ADAMTSL3: variants seen among roughly 807,000 people sequenced by gnomAD.
The protein encoded by ADAMTSL3 is ADAMTS-like protein 3.
Under a neutral mutation model 201.7 loss-of-function variants are expected in ADAMTSL3, and 128 were observed. The ratio of observed to expected loss-of-function variants is 0.63; its 90% CI spans 0.55 to 0.73. The LOEUF (loss-of-function observed/expected upper bound fraction) is 0.73, where lower values mean the gene tolerates loss of function less well. Among genes scored for constraint, ADAMTSL3 ranks in the 30% least tolerant of loss-of-function variants. The pLI is 0.00. For synonymous variants in ADAMTSL3, 738 were observed against 748.4 expected (o/e 0.99, Z 0.23); for missense variants, 1,990 against 2,119.6 (o/e 0.94, Z 1.20).
chr15:83,845,635 TAAAA>T (rs542175010), intron 7 of ADAMTSL3, among the ~76,000 whole-genome samples: 1 of 151,240 alleles, frequency 6.6e-6, no homozygotes, highest in East Asian at 1.9e-4. Flanking sequence ...TGTTCATTGT[TAAAA>T]AAAAATAGAT....
intron 23 of ADAMTSL3, among the ~76,000 whole-genome samples, chr15:83,997,003 A>G (rs776132903): frequency 2.0e-5 from 3 of 152,124 alleles, no homozygotes; most frequent in Non-Finnish European, 4.4e-5. Context: ...AGCATGGAGA[A>G]ATAGGACATC....
At chr15:83,765,286 A>G (rs1293295513) in intron 3 of ADAMTSL3, among the ~76,000 whole-genome samples, 1 of 152,236 alleles carries the variant, frequency 6.6e-6, no homozygotes, top group African/African-American at 2.4e-5. Flanking sequence ...TTAACCTGAA[A>G]GAATGTATTT....
At chr15:83,829,131 A>G (rs2064094223) in intron 6 of ADAMTSL3, among the ~76,000 whole-genome samples, 1 of 152,228 alleles carries the variant, frequency 6.6e-6, no homozygotes, top group African/African-American at 2.4e-5. Context: ...CTCTGGAAGA[A>G]TTCGGCTGTG....
intron 16 of ADAMTSL3, 74 bp from the exon 17 acceptor site, chr15:83,923,830 T>C (rs1335314356): frequency 7.1e-6 from 11 of 1,557,822 alleles, no homozygotes; most frequent in Admixed American, 3.4e-5. Context: ...TGAGAAGACC[T>C]AAGACTCTAT....
chr15:83,931,411 A>G (rs772753696), intron 17 of ADAMTSL3, among the ~76,000 whole-genome samples: 14 of 152,228 alleles, frequency 9.2e-5, no homozygotes, highest in Non-Finnish European at 1.5e-4. Flanking sequence ...CACTTGCTCA[A>G]AAGATGATCA....
At chr15:83,672,323 A>C (rs1395656820) in intron 2 of ADAMTSL3, among the ~76,000 whole-genome samples, 1 of 152,206 alleles carries the variant, frequency 6.6e-6, no homozygotes, top group African/African-American at 2.4e-5. Flanking sequence ...ATCATAAGCA[A>C]AGCTTGCTGG....
chr15:83,711,020 A>T (rs1334369669), intron 3 of ADAMTSL3, among the ~76,000 whole-genome samples: 1 of 152,216 alleles, frequency 6.6e-6, no homozygotes, highest in Admixed American at 6.5e-5. Flanking sequence ...AATACTAATA[A>T]TAACAATAAT....
At chr15:83,916,418 T>C (rs1232786488) in intron 16 of ADAMTSL3, among the ~76,000 whole-genome samples, 2 of 152,150 alleles carry the variant, frequency 1.3e-5, no homozygotes, top group Non-Finnish European at 1.5e-5. Flanking sequence ...AAGCCAAAAA[T>C]AGAAAATGAA....
At chr15:83,694,388 A>G (rs893008106) in intron 2 of ADAMTSL3, 1 of 152,060 alleles carries the variant, frequency 6.6e-6, no homozygotes, top group African/African-American at 2.4e-5. Flanking sequence ...GGAGTTTACA[A>G]TTTATCAAGA....
chr15:83,693,701 T>C (rs1025613160), intron 2 of ADAMTSL3, among the ~76,000 whole-genome samples: 13 of 152,332 alleles, frequency 8.5e-5, no homozygotes, highest in African/African-American at 3.1e-4. Context: ...CCATATGACA[T>C]AGTATACAAT....
chr15:84,012,685 G>A (rs1175381335), intron 23 of ADAMTSL3, among the ~76,000 whole-genome samples: 2 of 152,166 alleles, frequency 1.3e-5, no homozygotes, highest in Admixed American at 1.3e-4. Context: ...TCACACCAGT[G>A]CCTAGATTGA....
chr15:83,888,403 A>AT (rs35352567), intron 10 of ADAMTSL3, among the ~76,000 whole-genome samples: 7 of 151,286 alleles, frequency 4.6e-5, no homozygotes, highest in South Asian at 4.2e-4. Flanking sequence ...TAGAACAAAG[A>AT]TTTTTTTTTT....
intron 6 of ADAMTSL3, among the ~76,000 whole-genome samples, chr15:83,821,387 C>A (rs1352958051): frequency 2.7e-5 from 4 of 150,468 alleles, no homozygotes; most frequent in Non-Finnish European, 4.4e-5. Flanking sequence ...GAGGACCCTG[C>A]GGCCTTCCGC....
At chr15:83,831,023 G>T (rs183358495) in intron 6 of ADAMTSL3, among the ~76,000 whole-genome samples, 41 of 152,280 alleles carry the variant, frequency 2.7e-4, no homozygotes, top group African/African-American at 9.1e-4. Context: ...AGTAAAGTTT[G>T]GGCTAATCAA....
intron 2 of ADAMTSL3, among the ~76,000 whole-genome samples, chr15:83,685,086 A>C (rs1177189374): frequency 6.6e-6 from 1 of 152,116 alleles, no homozygotes; most frequent in Non-Finnish European, 1.5e-5. Flanking sequence ...TATTGCCCTG[A>C]TTACTAGTGA....
At chr15:83,918,717 A>G (rs1249284415) in intron 16 of ADAMTSL3, among the ~76,000 whole-genome samples, 1 of 152,212 alleles carries the variant, frequency 6.6e-6, no homozygotes, top group Non-Finnish European at 1.5e-5. Flanking sequence ...TGTTGATTTG[A>G]GTCTATCCCA....
intron 29 of ADAMTSL3, 104 bp downstream of exon 29, chr15:84,037,091 A>T: frequency 1.6e-6 from 2 of 1,230,734 alleles, no homozygotes; most frequent in Non-Finnish European, 2.3e-6. Context: ...TTACCTCATC[A>T]GTGTCCCAAC....
intron 4 of ADAMTSL3, among the ~76,000 whole-genome samples, chr15:83,804,425 A>G (rs577868294): frequency 2.0e-5 from 3 of 152,308 alleles, no homozygotes; most frequent in East Asian, 3.9e-4. Context: ...ACTATTAACT[A>G]AAGAATTCAT....
intron 3 of ADAMTSL3, among the ~76,000 whole-genome samples, chr15:83,737,409 T>C (rs1026625337): frequency 4.5e-4 from 69 of 152,264 alleles, no homozygotes; most frequent in African/African-American, 1.6e-3. Flanking sequence ...GTTTCCCCCA[T>C]GCTGGTCTCA....
Sources: gnomAD v4.1 joint callset for allele counts (sites outside exome capture counted in the v4.1 genomes callset) on GRCh38, gnomAD v4.1.1 for gene constraint, MANE v1.5 for transcripts, NCBI Gene and HGNC (gene_info 2026-07-23, HGNC 2026-07-21) for gene names.